The following AHCTF1 variants were observed in gnomAD, a reference collection of about 807,000 sequenced individuals.
AHCTF1 encodes the protein AT-hook containing transcription factor 1, also known as protein ELYS.
In AHCTF1, 24 loss-of-function variants were observed where a neutral mutation model predicts 248.4. The ratio of observed to expected loss-of-function variants is 0.10; its 90% CI spans 0.07 to 0.14. AHCTF1 has a LOEUF of 0.14. Among genes scored for constraint, AHCTF1 ranks in the 10% least tolerant of loss-of-function variants. The pLI is 1.00. For missense variants in AHCTF1, 2,206 were observed against 2,636.2 expected (o/e 0.84, Z 3.57); for synonymous variants, 786 against 929.8 (o/e 0.85, Z 2.81).
chr1:246,906,460 T>A (rs1472564765), intron 5 of AHCTF1, among the ~76,000 whole-genome samples: 1 of 151,608 alleles, frequency 6.6e-6, no homozygotes, highest in Non-Finnish European at 1.5e-5. Context: ...TGCACACATG[T>A]AATCCCAGCT....
intron 34 of AHCTF1, among the ~76,000 whole-genome samples, chr1:246,843,257 C>T (rs772810059): frequency 9.9e-5 from 15 of 152,196 alleles, no homozygotes; most frequent in Non-Finnish European, 1.8e-4. Flanking sequence ...CCTCTAACCT[C>T]GGTCTATAAA....
At chr1:246,847,960 A>AACTT (rs1660407394) in intron 33 of AHCTF1, among the ~76,000 whole-genome samples, 2 of 152,210 alleles carry the variant, frequency 1.3e-5, no homozygotes, top group Non-Finnish European at 2.9e-5. Context: ...TAATAAAATG[A>AACTT]ACTTAAAAAA....
intron 1 of AHCTF1, among the ~76,000 whole-genome samples, chr1:246,930,099 A>C (rs1480281445): frequency 6.6e-6 from 1 of 152,166 alleles, no homozygotes; most frequent in South Asian, 2.1e-4. Context: ...GAGAAGCATA[A>C]AAAGAAAACA....
intron 1 of AHCTF1, among the ~76,000 whole-genome samples, chr1:246,925,325 A>T (rs972513020): frequency 5.3e-5 from 8 of 152,234 alleles, no homozygotes; most frequent in South Asian, 2.1e-4. Context: ...CCAAAGGATA[A>T]CACACAAAAA....
Position 246,850,687 on chromosome 1 carries a change from C to A in AHCTF1, c.5319G>T (p.Arg1773Ser), listed in dbSNP as rs1660640239. 1.2e-6 allele frequency: 2 copies of A among 1,613,880 alleles called. No individual in the cohort carries two copies. The highest frequency in any genetic ancestry group is 2.2e-5 in the South Asian group (2 of 91,082). Residue 1773 changes from arginine to serine, a missense_variant, in exon 33 of 36, where the codon AGG becomes AGT. Arg to Ser is a moderately radical substitution (Grantham distance 110). Around this residue, in one of 6 missense-constraint regions of AHCTF1, gnomAD observed 955 missense variants for 1,055.6 expected, o/e 0.90. Transcript: ENST00000648844. ...TTTCTTTTGCCTTCCTAGTTTTCTTCCTGACTGACTGCCCTGGCATCTTAG... is the reference window on the plus strand; with the variant it reads ...TTTCTTTTGCCTTCCTAGTTTTCTTACTGACTGACTGCCCTGGCATCTTAG... ...ATPKMPGQSV[R>S]KKTRKAKEIS...
chr1:246,864,009 G>T lies in AHCTF1; in HGVS notation c.3455C>A (p.Pro1152His). 1 of 1,614,074 alleles carries T rather than the reference G, an allele frequency of 6.2e-7. No individual in the cohort carries two copies. Among genetic ancestry groups the T allele is most frequent in the Non-Finnish European group, 8.5e-7 (1 of 1,180,010 alleles). ...CGATCCTTTTAATTGCGAACTTGAG[G>T]GCAGTGAACGGGATACTAGGTACAA... ...SPLYLVSRSL[P>H]SSSQLKGSPQ... The change falls in exon 27 of 36, where the codon CCC becomes CAC. Residue 1152 changes from proline to histidine, a missense_variant. Transcript: ENST00000648844.
chr1:246,881,754 C>T (rs1663426707), intron 21 of AHCTF1, among the ~76,000 whole-genome samples: 1 of 148,694 alleles, frequency 6.7e-6, no homozygotes, highest in Non-Finnish European at 1.5e-5. Context: ...AGGAGAATCG[C>T]TTGAACCTGG....
chr1:246,871,914 C>A (rs1422299700), intron 24 of AHCTF1, among the ~76,000 whole-genome samples: 2 of 151,888 alleles, frequency 1.3e-5, no homozygotes, highest in Admixed American at 6.6e-5. Context: ...ACAACACAAA[C>A]ATGTGAACTT....
At chr1:246,874,837 C>G (rs950694208) in intron 24 of AHCTF1, among the ~76,000 whole-genome samples, 1 of 152,126 alleles carries the variant, frequency 6.6e-6, no homozygotes, top group Non-Finnish European at 1.5e-5. Context: ...AACCTGACCT[C>G]CGGCTCTCAG....
intron 24 of AHCTF1, among the ~76,000 whole-genome samples, chr1:246,871,438 G>C (rs1221617808): frequency 1.3e-5 from 2 of 152,134 alleles, no homozygotes; most frequent in African/African-American, 4.8e-5. Flanking sequence ...AACCACTACT[G>C]ATAAAATGTA....
chr1:246,875,224 T>TCCTGTCAC (rs1185505508), intron 24 of AHCTF1, among the ~76,000 whole-genome samples: 1 of 151,960 alleles, frequency 6.6e-6, no homozygotes, highest in Non-Finnish European at 1.5e-5. Context: ...CATAAAACCC[T>TCCTGTCAC]CCTGTCACCT....
At chr1:246,888,621 A>G in intron 17 of AHCTF1, 104 bp from the exon 18 acceptor site, 1 of 1,378,750 alleles carries the variant, frequency 7.3e-7, no homozygotes, top group Non-Finnish European at 9.8e-7. Flanking sequence ...TATCAAAGAG[A>G]GAAGAGGCTG....
intron 24 of AHCTF1, among the ~76,000 whole-genome samples, chr1:246,871,957 C>T (rs1662620471): frequency 6.6e-6 from 1 of 150,798 alleles, no homozygotes; most frequent in African/African-American, 2.5e-5. Flanking sequence ...CATCCTACTC[C>T]ACAAGTCCCA....
intron 31 of AHCTF1, among the ~76,000 whole-genome samples, chr1:246,855,181 A>G (rs1308621980): frequency 6.6e-6 from 1 of 152,238 alleles, no homozygotes; most frequent in Non-Finnish European, 1.5e-5. Context: ...CAAGATGATC[A>G]GACCAATTCT....
chr1:246,873,459 G>A (rs535840495), intron 24 of AHCTF1, among the ~76,000 whole-genome samples: 2 of 151,924 alleles, frequency 1.3e-5, no homozygotes, highest in East Asian at 3.9e-4. Context: ...TCATAGCGAA[G>A]GGAAAGAATC....
rs1435154807 is a variant in AHCTF1 at position 246,842,685 on chromosome 1, A to C, written c.6608+9T>G. 6.2e-6 allele frequency: 10 copies of C among 1,611,890 alleles called. No homozygotes were observed. The highest frequency in any genetic ancestry group is 8.5e-6 in the Non-Finnish European group (10 of 1,179,270). On this transcript the variant is annotated intron_variant, in intron 35 of 35. Transcript: ENST00000648844. ...ATCAATCAATCAAGAACAGAACAGA[A>C]AGTCATACTTGCTTGCTTGTTTTGT...
At position 246,840,526 on chromosome 1, in the gene AHCTF1, C is replaced by G. The variant is rs1173514255; in HGVS notation, c.*280G>C. 5.6e-6 allele frequency: 1 copy of G among 177,264 alleles called. No homozygotes were observed. Among genetic ancestry groups the G allele is most frequent in the Middle Eastern group, 2.4e-3 (1 of 418 alleles). The allele number at this position is 177,264 out of a possible 1,614,324, so 11.0% of individuals were successfully genotyped here. A position where few individuals can be genotyped will look rare whatever the true frequency, so the allele number is the denominator to read the frequency against. On this transcript the variant is annotated 3_prime_UTR_variant, in exon 36 of 36. Transcript: ENST00000648844. ...CAGATATCCCCTCCCTTTCAAAAAT[C>G]CAAGACACAAACGACTGTGAAGTAT...
At chr1:246,902,779 A>C in intron 7 of AHCTF1, 104 bp from the exon 8 acceptor site, 7 of 1,163,190 alleles carry the variant, frequency 6.0e-6, no homozygotes, top group Non-Finnish European at 8.1e-6. Context: ...AATACAAAGA[A>C]AACAATTTAG....
chr1:246,850,853 G>A lies in AHCTF1; in HGVS notation c.5153C>T (p.Ala1718Val). The change falls in exon 33 of 36, where the codon GCT (alanine) becomes GTT (valine). Residue 1718 changes from alanine to valine, a missense_variant. Around this residue, in one of 6 missense-constraint regions of AHCTF1, gnomAD observed 955 missense variants for 1,055.6 expected, o/e 0.90. Transcript: ENST00000648844. Reference protein sequence around the residue: ...TKLVKSAFKTAQETSTMTMNV... With the variant: ...TKLVKSAFKTVQETSTMTMNV... ...CATAGTCATTGTGCTTGTTTCCTGA[G>A]CAGTCTTAAATGCAGATTTGACCAA... 1 of 1,613,930 alleles carries A rather than the reference G, an allele frequency of 6.2e-7. No homozygotes were observed. Among genetic ancestry groups the A allele is most frequent in the Non-Finnish European group, 8.5e-7 (1 of 1,179,862 alleles).
Sources: allele counts gnomAD v4.1 joint callset (sites outside exome capture counted in the v4.1 genomes callset), GRCh38; gene constraint gnomAD v4.1.1; regional missense constraint gnomAD v4.1.1; transcripts MANE v1.5; gene names NCBI Gene and HGNC (gene_info 2026-07-23, HGNC 2026-07-21).